The following SMAD1 variants were observed in gnomAD, a reference collection of about 807,000 sequenced individuals.
SMAD1 encodes SMAD family member 1.
SMAD1 carries 6 observed loss-of-function variants against 41.6 expected under a neutral mutation model. The observed-to-expected ratio is 0.14, with a 90% confidence interval of 0.08 to 0.28. The LOEUF (loss-of-function observed/expected upper bound fraction) is 0.28, where lower values mean the gene tolerates loss of function less well. Among genes scored for constraint, SMAD1 ranks in the 10% least tolerant of loss-of-function variants. SMAD1 has a pLI of 1.00. For synonymous variants in SMAD1, 206 were observed against 203.2 expected (o/e 1.01, Z -0.12); for missense variants, 379 against 582.6 (o/e 0.65, Z 3.60).
rs534012486 is a variant in SMAD1, at chr4:145,509,431, C to T, written c.-176-5007C>T. On this transcript the variant is annotated intron_variant, in intron 1 of 6. Coordinates refer to ENST00000302085, the MANE Select transcript of SMAD1 (RefSeq NM_005900.3). ...CTGAAATGGTGGTTCTTATATAATA[C>T]GTTGCCCAACACTTGCCTTAAATAA... Among the ~76,000 whole-genome samples the T allele has an allele frequency of 4.0e-4, 61 of 152,230 alleles. No individual in the cohort carries two copies. In the South Asian group the frequency reaches 0.012, roughly 30 times the overall value.
chr4:145,505,056 T>C (rs190149103), intron 1 of SMAD1, among the ~76,000 whole-genome samples: 5 of 152,360 alleles, frequency 3.3e-5, no homozygotes, highest in Admixed American at 2.6e-4. Flanking sequence ...TCAGGTGTCT[T>C]TATTATCCTT....
At chr4:145,520,764 A>C (rs887350844) in intron 2 of SMAD1, among the ~76,000 whole-genome samples, 1 of 152,158 alleles carries the variant, frequency 6.6e-6, no homozygotes, top group African/African-American at 2.4e-5. Flanking sequence ...AGAGTGTACT[A>C]TCTCTATCTC....
Position 145,554,056 on chromosome 4 carries a change from C to T in SMAD1, c.1254+16C>T, listed in dbSNP as rs1732703527. 6.2e-7 allele frequency: 1 copy of T among 1,601,586 alleles called. No homozygotes were observed. Among genetic ancestry groups the T allele is most frequent in the Non-Finnish European group, 8.5e-7 (1 of 1,171,696 alleles). ...CTTTGTGAAGGTAAGTGAGCTCCGACTCCTCCATTTAGGGCCTAACATACT... is the reference window on the plus strand; with the variant it reads ...CTTTGTGAAGGTAAGTGAGCTCCGATTCCTCCATTTAGGGCCTAACATACT... On this transcript the variant is annotated intron_variant, in intron 6 of 6. Transcript: ENST00000302085.
intron 1 of SMAD1, among the ~76,000 whole-genome samples, chr4:145,483,334 C>T (rs954370223): frequency 6.6e-5 from 10 of 152,164 alleles, no homozygotes; most frequent in African/African-American, 7.2e-5. Context: ...CTCAGAATGC[C>T]TCTATTTCAG....
chr4:145,495,459 T>C lies in SMAD1; in HGVS notation c.-177+13421T>C, dbSNP rs80156013. Among the ~76,000 whole-genome samples the C allele has an allele frequency of 0.011, 1,654 of 152,300 alleles. 88 individuals are homozygous for C. The East Asian group carries it at 0.16, about 15-fold the overall frequency. On this transcript the variant is annotated intron_variant, in intron 1 of 6. Coordinates refer to ENST00000302085, the MANE Select transcript of SMAD1 (RefSeq NM_005900.3). ...TTAGCATCTTATCTATGTTAAAATA[T>C]ACCTGAAAGATTCCTTTAAATTTTC...
intron 1 of SMAD1, among the ~76,000 whole-genome samples, chr4:145,501,141 T>G (rs1418004917): frequency 6.6e-6 from 1 of 152,264 alleles, no homozygotes; most frequent in Admixed American, 6.5e-5. Flanking sequence ...TTGTCTGCCT[T>G]TTGTTTCCAT....
At chr4:145,508,751 G>A (rs1011889135) in intron 1 of SMAD1, among the ~76,000 whole-genome samples, 2 of 152,150 alleles carry the variant, frequency 1.3e-5, no homozygotes, top group African/African-American at 4.8e-5. Flanking sequence ...ATAAACAACA[G>A]AAATTTATTT....
At chr4:145,496,552 A>T (rs1004999326) in intron 1 of SMAD1, among the ~76,000 whole-genome samples, 1 of 152,190 alleles carries the variant, frequency 6.6e-6, no homozygotes, top group Non-Finnish European at 1.5e-5. Flanking sequence ...GCAGGAGTCC[A>T]CTTATACTCA....
rs575564326 is a variant in SMAD1, at chr4:145,522,319, G to C, written c.400+7306G>C. Among the ~76,000 whole-genome samples the C allele has an allele frequency of 3.0e-3, 445 of 147,802 alleles. 1 individual carries two copies. The highest frequency in any genetic ancestry group is 0.01 in the African/African-American group (413 of 40,198). ...GTCTCAAAAAAACAAACAAAAAAAT[G>C]GTCTGGGTGCAGTGGCTCACGCCTG... On this transcript the variant is annotated intron_variant, in intron 2 of 6. Transcript: ENST00000302085.
intron 1 of SMAD1, among the ~76,000 whole-genome samples, chr4:145,500,684 T>C (rs1444293179): frequency 6.6e-6 from 1 of 152,184 alleles, no homozygotes; most frequent in African/African-American, 2.4e-5. Context: ...GATAGCTGTT[T>C]GTTGAGTGAA....
At chr4:145,505,731 A>C (rs1388541924) in intron 1 of SMAD1, among the ~76,000 whole-genome samples, 1 of 152,172 alleles carries the variant, frequency 6.6e-6, no homozygotes, top group African/African-American at 2.4e-5. Context: ...CTGTGTATTC[A>C]CAAGACCAGT....
intron 1 of SMAD1, among the ~76,000 whole-genome samples, chr4:145,495,871 A>C (rs1729046788): frequency 6.6e-6 from 1 of 151,294 alleles, no homozygotes; most frequent in Admixed American, 6.6e-5. Context: ...TGGCCTTCCA[A>C]AGTGCTGGGA....
At chr4:145,538,883 T>G (rs368932715) in intron 2 of SMAD1, among the ~76,000 whole-genome samples, 12 of 152,118 alleles carry the variant, frequency 7.9e-5, no homozygotes, top group African/African-American at 2.9e-4. Context: ...TGTAACTGAC[T>G]GTTAGCCAGC....
chr4:145,491,715 G>A (rs1387327125), intron 1 of SMAD1, among the ~76,000 whole-genome samples: 1 of 152,162 alleles, frequency 6.6e-6, no homozygotes, highest in Non-Finnish European at 1.5e-5. Context: ...CCATAACATG[G>A]TTTTCGTCCA....
chr4:145,508,435 T>C (rs1345232247), intron 1 of SMAD1, among the ~76,000 whole-genome samples: 2 of 152,182 alleles, frequency 1.3e-5, no homozygotes, highest in Non-Finnish European at 2.9e-5. Flanking sequence ...TTCTATATTT[T>C]ATTTTCCTTA....
At chr4:145,483,193 CTG>C (rs1728289198) in intron 1 of SMAD1, 1 of 152,210 alleles carries the variant, frequency 6.6e-6, no homozygotes, top group African/African-American at 2.4e-5. Context: ...GCTGAGACAA[CTG>C]TCCTTTTTCT....
intron 2 of SMAD1, among the ~76,000 whole-genome samples, chr4:145,516,479 G>C (rs1293975131): frequency 1.3e-5 from 2 of 152,102 alleles, no homozygotes; most frequent in Non-Finnish European, 2.9e-5. Context: ...TCTCCATACA[G>C]CTCCTGCACT....
At chr4:145,491,514 A>T (rs1264904313) in intron 1 of SMAD1, among the ~76,000 whole-genome samples, 1 of 152,174 alleles carries the variant, frequency 6.6e-6, no homozygotes, top group Non-Finnish European at 1.5e-5. Context: ...TGAAATGGGG[A>T]TGATGTCTTC....
Position 145,540,017 on chromosome 4 carries a change from A to G in SMAD1, c.614A>G (p.His205Arg). ...GGGAGCAGCAGCAGCACCTACCCTC[A>G]CTCTCCCACCAGCTCAGACCCAGGA... ...SPGSSSSTYPHSPTSSDPGSP... is the reference protein window; with the variant it reads ...SPGSSSSTYPRSPTSSDPGSP... Residue 205 changes from histidine to arginine, a missense_variant, in exon 3 of 7, where the codon CAC (histidine) becomes CGC (arginine). By Grantham distance (29) the His-to-Arg change is conservative. This residue lies in a region of SMAD1 where 208 missense variants were observed against 210.5 expected (regional missense o/e 0.99). Transcript: ENST00000302085. 1.9e-6 allele frequency: 3 copies of G among 1,613,286 alleles called. No homozygotes were observed. Among genetic ancestry groups the G allele is most frequent in the Non-Finnish European group, 2.5e-6 (3 of 1,179,814 alleles).
Sources: gnomAD v4.1 joint callset for allele counts (sites outside exome capture counted in the v4.1 genomes callset) on GRCh38, gnomAD v4.1.1 for gene constraint, gnomAD v4.1.1 regional missense constraint, MANE v1.5 for transcripts, NCBI Gene and HGNC (gene_info 2026-07-23, HGNC 2026-07-21) for gene names.